RXRB: variants seen among roughly 807,000 people sequenced by gnomAD.
RXRB encodes retinoic acid receptor RXR-beta.
A neutral mutation model predicts 52.5 loss-of-function variants in RXRB; 18 were observed. The observed-to-expected ratio is 0.34, with a 90% CI of 0.24 to 0.51. RXRB has a LOEUF of 0.51. Ranked by LOEUF, RXRB falls within the 20% of genes least tolerant of loss-of-function variation. The pLI, the probability that RXRB is intolerant of heterozygous loss-of-function variation, is 0.97. For synonymous variants in RXRB, 233 were observed against 267.1 expected (o/e 0.87, Z 1.25); for missense variants, 455 against 698.2 (o/e 0.65, Z 3.92).
intron 3 of RXRB, 109 bp from the exon 4 acceptor site, chr6:33,198,050 A>G (rs1055839874): frequency 4.2e-5 from 53 of 1,252,992 alleles, no homozygotes; most frequent in Middle Eastern, 4.1e-4. Context: ...CTGTTTGCCA[A>G]ATACAGAGAT....
Position 33,198,372 on chromosome 6 carries a change from T to C in RXRB, c.576A>G (p.Pro192=). The C allele has an allele frequency of 6.2e-7, 1 of 1,612,690 alleles. No homozygotes were observed. Among genetic ancestry groups the C allele is most frequent in the South Asian group, 1.1e-5 (1 of 91,054 alleles). Residue 192 remains proline, a synonymous_variant, in exon 3 of 10, where the codon CCA becomes CCG. Coordinates refer to ENST00000374680, the MANE Select transcript of RXRB (RefSeq NM_021976.5). The stretch of plus-strand genomic sequence containing the variant: ...CAGCCCCAGGGCCACCTGGAGGGGG[T>C]GGACAGTGCAGGCCCCGGACCCCTA... ...PVLGVRGLHC[P]PPPGGPGAGK...
chr6:33,194,908 C>G lies in RXRB; in HGVS notation c.1454+37G>C. 1 of 1,610,618 alleles carries G rather than the reference C, an allele frequency of 6.2e-7. No homozygotes were observed. The highest frequency in any genetic ancestry group is 8.5e-7 in the Non-Finnish European group (1 of 1,178,032). ...ACACATCCTCATAGCACTCCCCACC[C>G]CCAAGGGAGCCTCAGTGCCCCCCAG... On this transcript the variant is annotated intron_variant, in intron 9 of 9. Transcript: ENST00000374680. The surrounding 1 kb of genome is among the most constrained non-coding windows in gnomAD (Gnocchi z 4.1).
In RXRB at chr6:33,195,858, CAA is replaced by C. The variant is rs1181840970; in HGVS notation, c.1123+47_1123+48del. The C allele has an allele frequency of 5.6e-6, 9 of 1,596,480 alleles. No individual in the cohort carries two copies. The highest frequency in any genetic ancestry group is 6.8e-6 in the Non-Finnish European group (8 of 1,171,440). On this transcript the variant is annotated intron_variant, in intron 6 of 9. Coordinates refer to ENST00000374680, the MANE Select transcript of RXRB (RefSeq NM_021976.5). The surrounding 1 kb of genome is among the most constrained non-coding windows in gnomAD (Gnocchi z 8.6). ...CTGGGGTCACTAAAGATCGGGAAGT[CAA>C]AGAGGGGTCAAATGTCAAGAAGTCA...
chr6:33,194,411 T>A lies in RXRB; in HGVS notation c.*271A>T. 1 of 458,190 alleles carries A rather than the reference T, an allele frequency of 2.2e-6. No homozygotes were observed. The highest frequency in any genetic ancestry group is 2.0e-5 in the African/African-American group (1 of 50,858). The allele number at this position is 458,190 out of a possible 1,614,324, so 28.4% of individuals were successfully genotyped here. ...TTTGTGCTGGGGGAAGGACAGAGGG[T>A]GAGAAATCACCCCAAATCATGGGAG... is the stretch of plus-strand genomic sequence containing the variant. On this transcript the variant is annotated 3_prime_UTR_variant, in exon 10 of 10. Transcript: ENST00000374680. The surrounding 1 kb of genome is among the most constrained non-coding windows in gnomAD (Gnocchi z 4.1).
In RXRB at chr6:33,195,840, C is replaced by A; in HGVS notation, c.1123+67G>T. The stretch of plus-strand genomic sequence containing the variant: ...GTACGCAAGGTAAGGCCACTGGGGT[C>A]ACTAAAGATCGGGAAGTCAAAGAGG... On this transcript the variant is annotated intron_variant, in intron 6 of 9. Transcript: ENST00000374680. The surrounding 1 kb of genome is among the most constrained non-coding windows in gnomAD (Gnocchi z 8.6). The A allele has an allele frequency of 6.2e-7, 1 of 1,605,628 alleles. No homozygotes were observed. The highest frequency in any genetic ancestry group is 8.5e-7 in the Non-Finnish European group (1 of 1,177,042).
rs1474014350 is a variant in RXRB, at chr6:33,200,187, G to A, written c.235+55C>T. 1.3e-6 allele frequency: 2 copies of A among 1,586,674 alleles called. No individual in the cohort carries two copies. Among genetic ancestry groups the A allele is most frequent in the Admixed American group, 3.4e-5 (2 of 59,224 alleles). On this transcript the variant is annotated intron_variant, in intron 1 of 9. Coordinates refer to ENST00000374680, the MANE Select transcript of RXRB (RefSeq NM_021976.5). The surrounding 1 kb of genome is among the most constrained non-coding windows in gnomAD (Gnocchi z 6.3). ...GAGCACCGGGGGAGGGTGTGGGGGA[G>A]GGGTCGCAGATAAAGCGGTCACTGG...
Position 33,199,213 on chromosome 6 carries a change from G to A in RXRB, c.439C>T (p.Pro147Ser). The A allele has an allele frequency of 2.3e-6, 3 of 1,289,278 alleles. No individual in the cohort carries two copies. The highest frequency in any genetic ancestry group is 3.0e-6 in the Non-Finnish European group (3 of 1,011,326). 79.9% of individuals were successfully genotyped at this position (1,289,278 alleles called of 1,614,324 possible). Residue 147 changes from proline (P) to serine (S), a missense_variant, in exon 2 of 10, where the codon CCT (proline) becomes TCT (serine). By Grantham distance (74) the Pro-to-Ser change is moderately conservative. This residue lies in a region of RXRB where 225 missense variants were observed against 258.6 expected (regional missense o/e 0.87). Coordinates refer to ENST00000374680, the MANE Select transcript of RXRB (RefSeq NM_021976.5). ...CCGGAGAATCCTGGGGGAGCTGGAG[G>A]GGGCAGACCAGGGGACCCCATGGAA... Reference protein sequence around the residue: ...SSSMGSPGLPPPAPPGFSGPV... With the variant: ...SSSMGSPGLPSPAPPGFSGPV...
At chr6:33,200,770 C>T (rs1311978780), upstream of RXRB, 4 of 1,537,670 alleles carry the variant, frequency 2.6e-6, no homozygotes, top group Admixed American at 2.0e-5. The surrounding 1 kb of genome is among the most constrained non-coding windows in gnomAD (Gnocchi z 6.3). Flanking sequence ...AAATCACCTC[C>T]ACACTCGCGC....
chr6:33,199,085 G>C, intron 2 of RXRB, 84 bp downstream of exon 2: 1 of 998,332 alleles, frequency 1.0e-6, no homozygotes, highest in Non-Finnish European at 1.3e-6. Flanking sequence ...ATGGGCCATG[G>C]GGAAGTTCAC....
chr6:33,198,091 C>T, intron 3 of RXRB, 150 bp from the exon 4 acceptor site: 1 of 1,035,620 alleles, frequency 9.7e-7, no homozygotes, highest in East Asian at 2.6e-5. Context: ...ATGATCCAGT[C>T]CCAGTCTCCT....
rs1214998698 is a variant in RXRB, at chr6:33,195,824, G to A, written c.1123+83C>T. The A allele has an allele frequency of 5.6e-6, 9 of 1,602,646 alleles. No homozygotes were observed. The highest frequency in any genetic ancestry group is 2.1e-4 in the Middle Eastern group (1 of 4,816). ...AAGTTTGGCTCCCTGGGTACGCAAG[G>A]TAAGGCCACTGGGGTCACTAAAGAT... On this transcript the variant is annotated intron_variant, in intron 6 of 9. Coordinates refer to ENST00000374680, the MANE Select transcript of RXRB (RefSeq NM_021976.5). The surrounding 1 kb of genome is among the most constrained non-coding windows in gnomAD (Gnocchi z 8.6).
rs1035850309 is a variant in RXRB at position 33,200,181 on chromosome 6, G to C, written c.235+61C>G. 3 of 1,580,500 alleles carry C rather than the reference G, an allele frequency of 1.9e-6. No individual in the cohort carries two copies. Among genetic ancestry groups the C allele is most frequent in the African/African-American group, 1.3e-5 (1 of 74,302 alleles). ...GGAAAAGAGCACCGGGGGAGGGTGT[G>C]GGGGAGGGGTCGCAGATAAAGCGGT... On this transcript the variant is annotated intron_variant, in intron 1 of 9. Coordinates refer to ENST00000374680, the MANE Select transcript of RXRB (RefSeq NM_021976.5). The surrounding 1 kb of genome is among the most constrained non-coding windows in gnomAD (Gnocchi z 6.3).
Position 33,195,809 on chromosome 6 carries a change from C to T in RXRB, c.1123+98G>A. 1 of 1,599,340 alleles carries T rather than the reference C, an allele frequency of 6.3e-7. No individual in the cohort carries two copies. The highest frequency in any genetic ancestry group is 1.3e-5 in the African/African-American group (1 of 74,756). The stretch of plus-strand genomic sequence containing the variant: ...GGTGGCGAGGTCAGCAAGTTTGGCT[C>T]CCTGGGTACGCAAGGTAAGGCCACT... On this transcript the variant is annotated intron_variant, in intron 6 of 9. Coordinates refer to ENST00000374680, the MANE Select transcript of RXRB (RefSeq NM_021976.5). The surrounding 1 kb of genome is among the most constrained non-coding windows in gnomAD (Gnocchi z 8.6).
intron 2 of RXRB, chr6:33,198,731 CAGAT>C (rs754593727): frequency 8.3e-6 from 5 of 599,784 alleles, no homozygotes; most frequent in Non-Finnish European, 1.2e-5. Context: ...GGCAGAAAAT[CAGAT>C]AGATGAAAAG....
Position 33,200,532 on chromosome 6 carries a change from A to T in RXRB, c.-56T>A. Reference sequence around the variant, plus strand: ...AGGTCCCAGGGATTCCCAAGGATTGATCGGAGGATTAGCTGAGCACGAGGA... The same window carrying T: ...AGGTCCCAGGGATTCCCAAGGATTGTTCGGAGGATTAGCTGAGCACGAGGA... On this transcript the variant is annotated 5_prime_UTR_variant, in exon 1 of 10. Transcript: ENST00000374680. The surrounding 1 kb of genome is among the most constrained non-coding windows in gnomAD (Gnocchi z 6.3). 6.5e-7 allele frequency: 1 copy of T among 1,530,148 alleles called. No individual in the cohort carries two copies. The highest frequency in any genetic ancestry group is 1.2e-5 in the South Asian group (1 of 81,314). The allele number at this position is 1,530,148 out of a possible 1,614,324, so 94.8% of individuals were successfully genotyped here.
At chr6:33,198,169 C>T (rs2744526) in intron 3 of RXRB, 139 bp downstream of exon 3, 2 of 1,308,866 alleles carry the variant, frequency 1.5e-6, no homozygotes, top group Non-Finnish European at 2.2e-6. Context: ...CGTCCTACAT[C>T]TCAGCTTCAG....
chr6:33,199,602 G>A, intron 1 of RXRB, 186 bp from the exon 2 acceptor site: 2 of 491,776 alleles, frequency 4.1e-6, no homozygotes, highest in Non-Finnish European at 7.2e-6. Flanking sequence ...TGTAACTCCG[G>A]CTGGTCCGAT....
chr6:33,200,440 G>A lies in RXRB; in HGVS notation c.37C>T (p.Arg13Trp), dbSNP rs775663382. 1.9e-6 allele frequency: 3 copies of A among 1,591,310 alleles called. No homozygotes were observed. The East Asian group carries it at 6.8e-5, about 36-fold the overall frequency. ...GGCCCACACTGCCCTGCGGCATGCC[G>A]CTGAGGGAGGAAGGGCGGGCGAGCG... ...WAARPPFLPQ[R>W]HAAGQCGPVG... The change falls in exon 1 of 10, where the codon CGG (arginine) becomes TGG (tryptophan). Residue 13 changes from arginine (R) to tryptophan (W), a missense_variant. Physicochemically the swap from Arg to Trp is moderately radical, Grantham distance 101 (BLOSUM62 -3). This residue lies in a region of RXRB where 225 missense variants were observed against 258.6 expected (regional missense o/e 0.87). Transcript: ENST00000374680. This position sits in a 1 kb window ranked among gnomAD's most constrained non-coding sequence, Gnocchi z 6.3.
chr6:33,200,191 T>C lies in RXRB; in HGVS notation c.235+51A>G. On this transcript the variant is annotated intron_variant, in intron 1 of 9. Transcript: ENST00000374680. The surrounding 1 kb of genome is among the most constrained non-coding windows in gnomAD (Gnocchi z 6.3). The stretch of plus-strand genomic sequence containing the variant: ...ACCGGGGGAGGGTGTGGGGGAGGGG[T>C]CGCAGATAAAGCGGTCACTGGCTCG... The C allele has an allele frequency of 6.3e-7, 1 of 1,582,098 alleles. No homozygotes were observed. Among genetic ancestry groups the C allele is most frequent in the Non-Finnish European group, 8.6e-7 (1 of 1,163,800 alleles).
Sources: gnomAD v4.1 joint callset for allele counts on GRCh38, gnomAD v4.1.1 for gene constraint, gnomAD v4.1.1 regional missense constraint, Gnocchi (gnomAD v3.1) non-coding constraint, MANE v1.5 for transcripts, NCBI Gene and HGNC (gene_info 2026-07-23, HGNC 2026-07-21) for gene names.